The following ADGRL2 variants were observed in gnomAD, a reference collection of about 807,000 sequenced individuals.
ADGRL2 encodes the protein calcium-independent alpha-latrotoxin receptor 2.
ADGRL2 carries 44 observed loss-of-function variants against 157.4 expected under a neutral mutation model. The observed-to-expected ratio is 0.28, with a 90% confidence interval of 0.22 to 0.36. The LOEUF (loss-of-function observed/expected upper bound fraction) is 0.36, where lower values mean the gene tolerates loss of function less well. Ranked by LOEUF, ADGRL2 falls within the 10% of genes least tolerant of loss-of-function variation. The pLI is 1.00. For missense variants in ADGRL2, 1,510 were observed against 1,768.9 expected (o/e 0.85, Z 2.63); for synonymous variants, 585 against 624.7 (o/e 0.94, Z 0.95).
At chr1:81,669,768 CT>C in intron 3 of ADGRL2, among the ~76,000 whole-genome samples, 1 of 151,952 alleles carries the variant, frequency 6.6e-6, no homozygotes, top group East Asian at 1.9e-4. Context: ...CGGTGAAACC[CT>C]GTCTCTACTA....
intron 3 of ADGRL2, among the ~76,000 whole-genome samples, chr1:81,584,704 T>A (rs761736580): frequency 1.3e-5 from 2 of 152,252 alleles, no homozygotes; most frequent in East Asian, 3.9e-4. Context: ...AACTTCAACA[T>A]AGCACAGTTG....
chr1:81,963,986 A>G (rs1022656680), intron 11 of ADGRL2, among the ~76,000 whole-genome samples: 1 of 151,248 alleles, frequency 6.6e-6, no homozygotes, highest in African/African-American at 2.4e-5. Context: ...GAAAGTTTCT[A>G]TTGTCTTTTA....
intron 3 of ADGRL2, among the ~76,000 whole-genome samples, chr1:81,614,934 GC>G (rs1345828907): frequency 6.6e-6 from 1 of 151,914 alleles, no homozygotes; most frequent in Non-Finnish European, 1.5e-5. Context: ...GATTACTTGA[GC>G]CCAGGAGGCA....
chr1:81,771,427 G>A (rs1202174003), intron 2 of ADGRL2, among the ~76,000 whole-genome samples: 2 of 152,074 alleles, frequency 1.3e-5, no homozygotes, highest in Non-Finnish European at 2.9e-5. Context: ...AAAGCCCAGG[G>A]CTTAGTGCTG....
At chr1:81,906,990 T>G in intron 2 of ADGRL2, 27 bp from the exon 3 acceptor site, 1 of 1,562,526 alleles carries the variant, frequency 6.4e-7, no homozygotes, top group Non-Finnish European at 8.8e-7. Context: ...GAGTTACAGT[T>G]TAATTTTCTT....
intron 3 of ADGRL2, among the ~76,000 whole-genome samples, chr1:81,597,266 A>T (rs1247141865): frequency 6.6e-6 from 1 of 152,172 alleles, no homozygotes; most frequent in Non-Finnish European, 1.5e-5. Context: ...ACCCTTTGTC[A>T]GTGACTTCCT....
intron 3 of ADGRL2, among the ~76,000 whole-genome samples, chr1:81,688,779 T>A (rs1289557180): frequency 6.6e-6 from 1 of 152,144 alleles, no homozygotes; most frequent in Non-Finnish European, 1.5e-5. Context: ...AGTATTCTGG[T>A]TCCTTCTTAT....
At position 81,705,048 on chromosome 1, in the gene ADGRL2, T is replaced by TTTTA. The variant is rs530981750; in HGVS notation, c.-143+5259_-143+5262dup. The stretch of plus-strand genomic sequence containing the variant: ...AAACAGTGTTGTTGTTTTCTTTTAA[T>TTTTA]TTTATTTATTTATTTATTTATTGAG... On this transcript the variant is annotated intron_variant, in intron 1 of 20. Coordinates refer to the ADGRL2 transcript ENST00000359929. Among the ~76,000 whole-genome samples the TTTTA allele has an allele frequency of 2.3e-3, 346 of 152,204 alleles. 1 individual carries two copies. Among genetic ancestry groups the TTTTA allele is most frequent in the African/African-American group, 7.1e-3 (295 of 41,524 alleles).
At chr1:81,836,795 T>C in intron 1 of ADGRL2, 90 bp from the exon 2 acceptor site, 1 of 454,340 alleles carries the variant, frequency 2.2e-6, no homozygotes, top group Non-Finnish European at 3.9e-6. Context: ...ATGTTTTATA[T>C]TCAGGAGAGA....
At chr1:81,319,640 A>G (rs948500491) in intron 1 of ADGRL2, among the ~76,000 whole-genome samples, 1 of 152,204 alleles carries the variant, frequency 6.6e-6, no homozygotes, top group African/African-American at 2.4e-5. Flanking sequence ...TGGTTCTATA[A>G]AGGCTAAAAT....
chr1:81,702,842 T>A (rs2083616862), intron 1 of ADGRL2, among the ~76,000 whole-genome samples: 1 of 152,184 alleles, frequency 6.6e-6, no homozygotes, highest in South Asian at 2.1e-4. Flanking sequence ...AGGAACCATA[T>A]TCACAGATGA....
At chr1:81,594,567 A>G (rs2081195648) in intron 3 of ADGRL2, among the ~76,000 whole-genome samples, 1 of 152,210 alleles carries the variant, frequency 6.6e-6, no homozygotes, top group Admixed American at 6.5e-5. Flanking sequence ...GGGATTTTTA[A>G]AAACATTTAT....
At chr1:81,345,082 T>C (rs11163255) in intron 1 of ADGRL2, among the ~76,000 whole-genome samples, 84,741 of 151,988 alleles carry the variant, frequency 0.56, 23,881 homozygotes, top group Middle Eastern at 0.6. Context: ...ATATTTTTCA[T>C]TATTGATAGA....
intron 2 of ADGRL2, among the ~76,000 whole-genome samples, chr1:81,785,243 C>G (rs990902191): frequency 1.3e-5 from 2 of 151,734 alleles, no homozygotes; most frequent in Non-Finnish European, 2.9e-5. Flanking sequence ...TTTGTGTGCC[C>G]TAAGACAAAA....
intron 1 of ADGRL2, among the ~76,000 whole-genome samples, chr1:81,307,759 C>T (rs1008911764): frequency 8.6e-5 from 13 of 151,148 alleles, no homozygotes; most frequent in African/African-American, 3.2e-4. Context: ...TAGTGAAGTT[C>T]GAAGGAAAAA....
intron 2 of ADGRL2, among the ~76,000 whole-genome samples, chr1:81,507,196 G>A (rs2078992358): frequency 6.6e-6 from 1 of 152,036 alleles, no homozygotes; most frequent in African/African-American, 2.4e-5. Flanking sequence ...ATGCTGAGTT[G>A]ATCAATTGCT....
chr1:81,308,292 C>A (rs1023345275), intron 1 of ADGRL2, among the ~76,000 whole-genome samples: 3 of 152,064 alleles, frequency 2.0e-5, no homozygotes, highest in Admixed American at 1.3e-4. Flanking sequence ...CAGACACTGT[C>A]GCTGGAGAAT....
At chr1:81,416,446 G>A (rs983871930) in intron 1 of ADGRL2, among the ~76,000 whole-genome samples, 5 of 151,878 alleles carry the variant, frequency 3.3e-5, no homozygotes, top group Non-Finnish European at 7.4e-5. Flanking sequence ...TGTTCCCTGC[G>A]TGCTACCTCC....
intron 3 of ADGRL2, among the ~76,000 whole-genome samples, chr1:81,615,384 G>T (rs927137215): frequency 2.6e-5 from 4 of 152,174 alleles, no homozygotes; most frequent in African/African-American, 7.2e-5. Flanking sequence ...TTGTTCTTTC[G>T]CTCTTCGCAA....
Sources: allele counts gnomAD v4.1 joint callset (sites outside exome capture counted in the v4.1 genomes callset), GRCh38; gene constraint gnomAD v4.1.1; transcripts MANE v1.5; gene names NCBI Gene and HGNC (gene_info 2026-07-23, HGNC 2026-07-21).